BTBD9: variants seen among roughly 807,000 people sequenced by gnomAD.
The protein encoded by BTBD9 is BTB/POZ domain-containing protein 9.
BTBD9 carries 49 observed loss-of-function variants against 64.3 expected under a neutral mutation model. The ratio of observed to expected loss-of-function variants is 0.76; its 90% CI spans 0.61 to 0.97. BTBD9 has a LOEUF of 0.97. BTBD9 is among the 50% of genes least tolerant of loss of function. The probability of loss-of-function intolerance (pLI) is 0.00; values close to 1 mark genes in which losing one functional copy is unlikely to be tolerated. For missense variants in BTBD9, 598 were observed against 762.1 expected (o/e 0.78, Z 2.53); for synonymous variants, 260 against 274.7 (o/e 0.95, Z 0.53).
chr6:38,526,371 T>C (rs548691058), intron 6 of BTBD9, among the ~76,000 whole-genome samples: 1 of 152,232 alleles, frequency 6.6e-6, no homozygotes, highest in Non-Finnish European at 1.5e-5. Context: ...TAGAAACATC[T>C]GGATGTCCAG....
chr6:38,330,906 C>T (rs1466296313), intron 7 of BTBD9, among the ~76,000 whole-genome samples: 2 of 152,126 alleles, frequency 1.3e-5, no homozygotes, highest in African/African-American at 4.8e-5. Flanking sequence ...GAGCTAAATG[C>T]TTACACACAC....
chr6:38,451,636 A>T (rs1458786528), intron 6 of BTBD9, among the ~76,000 whole-genome samples: 1 of 152,160 alleles, frequency 6.6e-6, no homozygotes, highest in Non-Finnish European at 1.5e-5. Context: ...TGGTGACCAC[A>T]TATGAAGACG....
intron 7 of BTBD9, among the ~76,000 whole-genome samples, chr6:38,293,213 A>G (rs537394834): frequency 6.6e-6 from 1 of 152,362 alleles, no homozygotes; most frequent in Non-Finnish European, 1.5e-5. Flanking sequence ...ATGGATAGGA[A>G]AAATCAATAT....
intron 1 of BTBD9, among the ~76,000 whole-genome samples, chr6:38,617,247 T>C (rs1218947707): frequency 6.6e-6 from 1 of 152,082 alleles, no homozygotes; most frequent in Non-Finnish European, 1.5e-5. Flanking sequence ...GGAAAGCCAT[T>C]CGGCTCCAAA....
At chr6:38,412,598 C>T (rs951936769) in intron 6 of BTBD9, among the ~76,000 whole-genome samples, 3 of 151,634 alleles carry the variant, frequency 2.0e-5, no homozygotes, top group Admixed American at 6.6e-5. Flanking sequence ...GTGGCTCACA[C>T]CTGTAATACC....
chr6:38,175,421 C>T (rs1761187075), intron 10 of BTBD9, among the ~76,000 whole-genome samples: 1 of 152,170 alleles, frequency 6.6e-6, no homozygotes, highest in African/African-American at 2.4e-5. Context: ...AAGTTAGAGA[C>T]ACCATGACAC....
At chr6:38,543,389 A>G (rs1774376088) in intron 6 of BTBD9, among the ~76,000 whole-genome samples, 1 of 152,214 alleles carries the variant, frequency 6.6e-6, no homozygotes, top group South Asian at 2.1e-4. Context: ...CCCCTCTAGA[A>G]TGTAAATGAT....
In BTBD9 at chr6:38,342,226, A is replaced by C. The variant is rs555895579; in HGVS notation, c.1264+2758T>G. On this transcript the variant is annotated intron_variant, in intron 7 of 10. Transcript: ENST00000481247. Reference sequence around the variant, plus strand: ...GAACTATGAAAGAAAAATGTTCTGAATCTAGAAACATAAAGGTAGGATTTG... The same window carrying C: ...GAACTATGAAAGAAAAATGTTCTGACTCTAGAAACATAAAGGTAGGATTTG... Among the ~76,000 whole-genome samples the C allele has an allele frequency of 3.3e-5, 5 of 152,192 alleles. No individual in the cohort carries two copies. In the East Asian group the frequency reaches 9.6e-4, roughly 29 times the overall value.
chr6:38,521,099 A>G (rs1451335464), intron 6 of BTBD9, among the ~76,000 whole-genome samples: 2 of 151,820 alleles, frequency 1.3e-5, no homozygotes, highest in Non-Finnish European at 2.9e-5. Flanking sequence ...GTGACCTTAC[A>G]CACACTGTGT....
At chr6:38,258,968 G>T (rs1180863003) in intron 8 of BTBD9, among the ~76,000 whole-genome samples, 2 of 152,156 alleles carry the variant, frequency 1.3e-5, no homozygotes. Flanking sequence ...TGTGTATTAG[G>T]CCCTATGTTA....
At chr6:38,178,844 CTATTTATTTATT>C (rs148021128) in intron 10 of BTBD9, among the ~76,000 whole-genome samples, 2 of 151,322 alleles carry the variant, frequency 1.3e-5, no homozygotes, top group Admixed American at 1.3e-4. Context: ...ACAAAGGAGG[CTATTTATTTATT>C]TATTTATTTA....
At position 38,426,256 on chromosome 6, in the gene BTBD9, C is replaced by T. The variant is rs1768142537; in HGVS notation, c.1155-81163G>A. ...CACGGGGCTTGCAACTCAGCTCACA[C>T]CCAACCAATCAGAGAGCTCACTAAA... On this transcript the variant is annotated intron_variant, in intron 6 of 10. Coordinates refer to ENST00000481247, the MANE Select transcript of BTBD9 (RefSeq NM_001099272.2). 2.0e-5 allele frequency among the ~76,000 whole-genome samples: 3 copies of T among 151,910 alleles called. 1 individual carries two copies. The highest frequency in any genetic ancestry group is 4.9e-5 in the African/African-American group (2 of 41,200).
chr6:38,368,039 A>G (rs1424658865), intron 6 of BTBD9, among the ~76,000 whole-genome samples: 20 of 152,170 alleles, frequency 1.3e-4, no homozygotes, highest in Admixed American at 1.3e-3. Flanking sequence ...CTTAGCTTTT[A>G]GACACTAACA....
At chr6:38,217,844 A>T (rs1336271349) in intron 9 of BTBD9, among the ~76,000 whole-genome samples, 1 of 152,116 alleles carries the variant, frequency 6.6e-6, no homozygotes, top group African/African-American at 2.4e-5. Flanking sequence ...GGAGCTGCGC[A>T]AGTCAAACGA....
intron 8 of BTBD9, among the ~76,000 whole-genome samples, chr6:38,272,436 C>A (rs1467547755): frequency 6.6e-6 from 1 of 152,138 alleles, no homozygotes; most frequent in African/African-American, 2.4e-5. Context: ...CTGGCCAGGG[C>A]AGTCTATGAC....
At chr6:38,452,225 C>T (rs896538499) in intron 6 of BTBD9, among the ~76,000 whole-genome samples, 1 of 151,968 alleles carries the variant, frequency 6.6e-6, no homozygotes, top group African/African-American at 2.4e-5. Context: ...ATGAGGATTC[C>T]TATGCCCCAA....
At chr6:38,604,861 T>C (rs1328611860) in intron 1 of BTBD9, among the ~76,000 whole-genome samples, 2 of 152,256 alleles carry the variant, frequency 1.3e-5, no homozygotes, top group East Asian at 1.9e-4. Flanking sequence ...AACACTTATA[T>C]TGATGTGTTT....
At chr6:38,460,620 T>C (rs1488806659) in intron 6 of BTBD9, among the ~76,000 whole-genome samples, 1 of 152,124 alleles carries the variant, frequency 6.6e-6, no homozygotes, top group Non-Finnish European at 1.5e-5. Context: ...AGGGTTTTTT[T>C]TGTTTTTGTT....
intron 6 of BTBD9, among the ~76,000 whole-genome samples, chr6:38,502,435 C>T (rs748493140): frequency 3.3e-5 from 5 of 152,122 alleles, no homozygotes; most frequent in Non-Finnish European, 7.4e-5. Flanking sequence ...AAAAGAAAAG[C>T]TTTCTCTTCC....
Sources: allele counts gnomAD v4.1 joint callset (sites outside exome capture counted in the v4.1 genomes callset), GRCh38; gene constraint gnomAD v4.1.1; transcripts MANE v1.5; gene names NCBI Gene and HGNC (gene_info 2026-07-23, HGNC 2026-07-21).